MAML3: variants seen among roughly 807,000 people sequenced by gnomAD.
MAML3 encodes the protein mastermind like transcriptional coactivator 3, also known as mastermind-like protein 3.
A neutral mutation model predicts 101.9 loss-of-function variants in MAML3; 27 were observed. The observed-to-expected ratio is 0.27, with a 90% CI of 0.20 to 0.37. MAML3 has a LOEUF of 0.37. Among genes scored for constraint, MAML3 ranks in the 10% least tolerant of loss-of-function variants. MAML3 has a pLI of 1.00. For missense variants in MAML3, 1,316 were observed against 1,444.9 expected (o/e 0.91, Z 1.45); for synonymous variants, 501 against 555.9 (o/e 0.90, Z 1.39).
chr4:140,102,991 C>G (rs1728277350), intron 1 of MAML3, among the ~76,000 whole-genome samples: 1 of 152,164 alleles, frequency 6.6e-6, no homozygotes, highest in South Asian at 2.1e-4. Context: ...ACACCCAAAC[C>G]TATTCTGTGG....
intron 1 of MAML3, among the ~76,000 whole-genome samples, chr4:139,902,277 A>G (rs28367243): frequency 1.3e-5 from 2 of 149,468 alleles, no homozygotes; most frequent in Non-Finnish European, 3.0e-5. Flanking sequence ...ACACACACGC[A>G]CACACACACA....
At chr4:139,749,884 A>AACC (rs1163190863) in intron 2 of MAML3, among the ~76,000 whole-genome samples, 9 of 97,350 alleles carry the variant, frequency 9.2e-5, no homozygotes, top group African/African-American at 4.0e-4. Flanking sequence ...GATGAATAAG[A>AACC]ACCCCCCCCC....
rs529430814 is a variant in MAML3 at position 139,850,904 on chromosome 4, A to T, written c.2079+38453T>A. On this transcript the variant is annotated intron_variant, in intron 2 of 4. Coordinates refer to ENST00000509479, the MANE Select transcript of MAML3 (RefSeq NM_018717.5). Reference sequence around the variant, plus strand: ...CAGAAAGAGGATTATTTGCAAGATTAAAAAAAAAAAAAGAGAGAGAGAGCC... The same window carrying T: ...CAGAAAGAGGATTATTTGCAAGATTTAAAAAAAAAAAAGAGAGAGAGAGCC... 4.2e-5 allele frequency among the ~76,000 whole-genome samples: 6 copies of T among 142,986 alleles called. 1 individual carries two copies. The South Asian group carries it at 1.3e-3, about 31-fold the overall frequency. The allele number at this position is 142,986 out of a possible 152,430, so 93.8% of individuals were successfully genotyped here.
chr4:139,775,056 A>AGGTCT (rs1261408290), intron 2 of MAML3, among the ~76,000 whole-genome samples: 1 of 152,142 alleles, frequency 6.6e-6, no homozygotes, highest in Non-Finnish European at 1.5e-5. Flanking sequence ...ATAAGAGGAA[A>AGGTCT]AGTCACCATG....
intron 1 of MAML3, among the ~76,000 whole-genome samples, chr4:140,069,321 AAGAAGAAGG>A (rs1727590246): frequency 7.9e-6 from 1 of 126,018 alleles, no homozygotes; most frequent in South Asian, 3.0e-4. Context: ...GACTCTGTCC[AAGAAGAAGG>A]AGAAGGAGAA....
At chr4:140,138,062 C>T (rs1445260979) in intron 1 of MAML3, among the ~76,000 whole-genome samples, 2 of 152,176 alleles carry the variant, frequency 1.3e-5, no homozygotes, top group Non-Finnish European at 2.9e-5. Context: ...CAGGAGCCAA[C>T]ACTAAAAAAG....
intron 3 of MAML3, among the ~76,000 whole-genome samples, chr4:139,726,682 T>C (rs1728485195): frequency 6.6e-6 from 1 of 151,790 alleles, no homozygotes; most frequent in African/African-American, 2.4e-5. Context: ...CATCTCTACA[T>C]GTAAACTATT....
At chr4:140,116,689 G>A (rs892158345) in intron 1 of MAML3, among the ~76,000 whole-genome samples, 2 of 152,122 alleles carry the variant, frequency 1.3e-5, no homozygotes, top group African/African-American at 4.8e-5. Flanking sequence ...ATACCCTACA[G>A]GGCAGGAAGT....
intron 2 of MAML3, among the ~76,000 whole-genome samples, chr4:139,736,759 CT>C (rs896526579): frequency 1.1e-4 from 17 of 152,114 alleles, no homozygotes; most frequent in African/African-American, 3.9e-4. Context: ...TGAATTAGAA[CT>C]TTTGGGGGTG....
chr4:139,740,114 G>A (rs943112952), intron 2 of MAML3: 10 of 152,174 alleles, frequency 6.6e-5, no homozygotes, highest in African/African-American at 2.4e-4. Flanking sequence ...AGTCCCAGAG[G>A]AAGGGTACTG....
rs746997292 is a variant in MAML3, at chr4:139,889,852, A to G, written c.1584T>C (p.Tyr528=). 7 of 1,613,660 alleles carry G rather than the reference A, an allele frequency of 4.3e-6. No homozygotes were observed. Among genetic ancestry groups the G allele is most frequent in the Non-Finnish European group, 5.1e-6 (6 of 1,179,900 alleles). The part of the protein sequence containing the change: ...WSPLGPPSSP[Y]GAAFTAEKPN... Reference sequence around the variant, plus strand: ...GTTTTTCTGCAGTAAAAGCTGCTCCATATGGACTAGAGGGAGGTCCTAAGG... The same window carrying G: ...GTTTTTCTGCAGTAAAAGCTGCTCCGTATGGACTAGAGGGAGGTCCTAAGG... The change falls in exon 2 of 5, where the codon TAT becomes TAC. Residue 528 remains tyrosine (Y), a synonymous_variant. Coordinates refer to ENST00000509479, the MANE Select transcript of MAML3 (RefSeq NM_018717.5).
intron 3 of MAML3, among the ~76,000 whole-genome samples, chr4:139,726,248 C>T (rs1455938190): frequency 6.6e-6 from 1 of 152,216 alleles, no homozygotes; most frequent in Non-Finnish European, 1.5e-5. Flanking sequence ...GATTCATCCA[C>T]GTGGATGTGA....
At chr4:139,803,712 C>T (rs1316996764) in intron 2 of MAML3, among the ~76,000 whole-genome samples, 1 of 152,192 alleles carries the variant, frequency 6.6e-6, no homozygotes, top group Non-Finnish European at 1.5e-5. Flanking sequence ...CAGCACTTTA[C>T]AGTCTATAAA....
intron 2 of MAML3, among the ~76,000 whole-genome samples, chr4:139,863,427 G>A (rs1245033022): frequency 2.8e-5 from 4 of 143,884 alleles, no homozygotes; most frequent in Admixed American, 1.5e-4. Context: ...CTTGGCTCAC[G>A]ACAACCTGCA....
chr4:139,850,861 CA>C (rs1340015737), intron 2 of MAML3, among the ~76,000 whole-genome samples: 3 of 149,082 alleles, frequency 2.0e-5, no homozygotes, highest in African/African-American at 7.5e-5. Flanking sequence ...TTGATGTACA[CA>C]TATACTTATG....
At chr4:139,739,098 T>C (rs1729064437) in intron 2 of MAML3, among the ~76,000 whole-genome samples, 2 of 152,126 alleles carry the variant, frequency 1.3e-5, no homozygotes, top group Non-Finnish European at 2.9e-5. Context: ...TGCAGCAAAA[T>C]ACAGATTTAC....
intron 2 of MAML3, among the ~76,000 whole-genome samples, chr4:139,812,089 T>C (rs535575567): frequency 3.5e-4 from 54 of 152,210 alleles, no homozygotes; most frequent in Middle Eastern, 3.4e-3. Context: ...ACCCTGTCTC[T>C]ACAAAAAATT....
rs1728059759 is a variant in MAML3, at chr4:139,717,977, T to G, written c.*1346A>C. ...CATATGAAATAAACTACATCTCCTTTCTATCCAAATTTGTAAGGTGGAGCA... is the reference window on the plus strand; with the variant it reads ...CATATGAAATAAACTACATCTCCTTGCTATCCAAATTTGTAAGGTGGAGCA... On this transcript the variant is annotated 3_prime_UTR_variant, in exon 5 of 5. Transcript: ENST00000509479. The G allele has an allele frequency of 6.6e-6, 1 of 152,240 alleles. No homozygotes were observed. Among genetic ancestry groups the G allele is most frequent in the Admixed American group, 6.5e-5 (1 of 15,288 alleles). 9.4% of individuals were successfully genotyped at this position (152,240 alleles called of 1,614,324 possible).
intron 2 of MAML3, among the ~76,000 whole-genome samples, chr4:139,882,904 C>T (rs1359822881): frequency 2.6e-5 from 4 of 152,156 alleles, no homozygotes. Flanking sequence ...TATAATTCTA[C>T]ATCAGGTAAA....
Sources: allele counts gnomAD v4.1 joint callset (sites outside exome capture counted in the v4.1 genomes callset), GRCh38; gene constraint gnomAD v4.1.1; transcripts MANE v1.5; gene names NCBI Gene and HGNC (gene_info 2026-07-23, HGNC 2026-07-21).